Variants in GNA14 observed in about 807,000 individuals in gnomAD.
The protein encoded by GNA14 is G protein subunit alpha 14.
A neutral mutation model predicts 42.0 loss-of-function variants in GNA14; 50 were observed. That is an observed-to-expected ratio of 1.19 (90% confidence interval 0.95 to 1.51). The LOEUF (loss-of-function observed/expected upper bound fraction) is 1.51. Among genes scored for constraint, GNA14 ranks in the 40% most tolerant of loss-of-function variants. The pLI is 0.00. For missense variants in GNA14, 473 were observed against 446.2 expected (o/e 1.06, Z -0.54); for synonymous variants, 173 against 163.1 (o/e 1.06, Z -0.46).
chr9:77,560,814 C>T (rs1176595653), intron 1 of GNA14, among the ~76,000 whole-genome samples: 1 of 151,944 alleles, frequency 6.6e-6, no homozygotes, highest in African/African-American at 2.4e-5. Flanking sequence ...TGAGGAGTTA[C>T]TTATTTTCTA....
intron 1 of GNA14, among the ~76,000 whole-genome samples, chr9:77,581,480 C>T (rs1249215559): frequency 1.3e-5 from 2 of 152,152 alleles, no homozygotes; most frequent in Non-Finnish European, 2.9e-5. Flanking sequence ...ATGTACCTGG[C>T]ACATCCAAAC....
chr9:77,489,238 A>G (rs920660527), intron 2 of GNA14, among the ~76,000 whole-genome samples: 2 of 152,194 alleles, frequency 1.3e-5, no homozygotes, highest in African/African-American at 2.4e-5. Context: ...AGGGAAAAAA[A>G]AGAAAATAAT....
At chr9:77,640,500 AAAAG>A (rs936124596) in intron 1 of GNA14, among the ~76,000 whole-genome samples, 4 of 152,158 alleles carry the variant, frequency 2.6e-5, no homozygotes, top group Non-Finnish European at 4.4e-5. Flanking sequence ...TTTAAAAAGA[AAAAG>A]AAAAAAAGAC....
intron 1 of GNA14, among the ~76,000 whole-genome samples, chr9:77,612,537 G>A (rs542615699): frequency 8.7e-4 from 132 of 151,976 alleles, no homozygotes; most frequent in African/African-American, 3.1e-3. Flanking sequence ...AACCTAAAAT[G>A]TAAACAAAGA....
chr9:77,643,294 C>T (rs950025896), intron 1 of GNA14, among the ~76,000 whole-genome samples: 2 of 148,980 alleles, frequency 1.3e-5, no homozygotes, highest in East Asian at 2.0e-4. Context: ...GGCTGGAGTG[C>T]AATGGTGCTA....
chr9:77,597,108 A>T (rs1434818212), intron 1 of GNA14, among the ~76,000 whole-genome samples: 2 of 152,120 alleles, frequency 1.3e-5, no homozygotes, highest in East Asian at 3.9e-4. Context: ...CCTGTCTTAG[A>T]TTTTCTGGGT....
chr9:77,490,396 C>T (rs1298393000), intron 2 of GNA14, among the ~76,000 whole-genome samples: 1 of 152,244 alleles, frequency 6.6e-6, no homozygotes, highest in Non-Finnish European at 1.5e-5. Flanking sequence ...CTCCTCAGCC[C>T]TTGGGCGGTG....
At chr9:77,479,264 A>G (rs1390329838) in intron 2 of GNA14, among the ~76,000 whole-genome samples, 1 of 152,222 alleles carries the variant, frequency 6.6e-6, no homozygotes, top group Non-Finnish European at 1.5e-5. Flanking sequence ...TCCCAGCACC[A>G]TTTGTTAAAC....
intron 1 of GNA14, among the ~76,000 whole-genome samples, chr9:77,574,113 T>C (rs1013816929): frequency 6.6e-6 from 1 of 152,146 alleles, no homozygotes; most frequent in African/African-American, 2.4e-5. Flanking sequence ...AAGACCAGCC[T>C]GGGCAACATA....
intron 1 of GNA14, among the ~76,000 whole-genome samples, chr9:77,608,885 A>G (rs1006595221): frequency 3.3e-5 from 5 of 152,000 alleles, no homozygotes; most frequent in Non-Finnish European, 7.4e-5. Flanking sequence ...CTCTTGGTAT[A>G]ATCCCATCCC....
intron 1 of GNA14, among the ~76,000 whole-genome samples, chr9:77,633,563 T>C (rs1824131608): frequency 6.6e-6 from 1 of 152,152 alleles, no homozygotes; most frequent in African/African-American, 2.4e-5. Flanking sequence ...AAGGTCACTC[T>C]GGCTGGCAGA....
intron 2 of GNA14, among the ~76,000 whole-genome samples, chr9:77,482,567 A>C (rs934783497): frequency 1.2e-3 from 185 of 151,942 alleles, no homozygotes; most frequent in African/African-American, 3.7e-3. Flanking sequence ...ATCTTTGTGG[A>C]GTTCTCTGTA....
intron 2 of GNA14, among the ~76,000 whole-genome samples, chr9:77,475,973 C>A (rs1564025549): frequency 6.6e-6 from 1 of 152,072 alleles, no homozygotes; most frequent in Admixed American, 6.5e-5. Flanking sequence ...CAGGAGCAGG[C>A]CTAAGTGTGC....
intron 2 of GNA14, among the ~76,000 whole-genome samples, chr9:77,469,898 T>C (rs779258550): frequency 6.6e-5 from 10 of 152,204 alleles, no homozygotes; most frequent in Non-Finnish European, 8.8e-5. Context: ...AGAAAGCCTC[T>C]GCTCCTTTGG....
intron 1 of GNA14, among the ~76,000 whole-genome samples, chr9:77,619,593 G>A (rs142878232): frequency 6.6e-6 from 1 of 152,254 alleles, no homozygotes; most frequent in African/African-American, 2.4e-5. Context: ...GTGATATGGG[G>A]CAGCTCATTT....
chr9:77,535,110 C>A (rs1051204679), intron 1 of GNA14, among the ~76,000 whole-genome samples: 1 of 152,176 alleles, frequency 6.6e-6, no homozygotes, highest in Non-Finnish European at 1.5e-5. Context: ...AGAGGCCTGC[C>A]CAGAGGACGG....
At chr9:77,556,568 G>C (rs1259889371) in intron 1 of GNA14, among the ~76,000 whole-genome samples, 1 of 152,146 alleles carries the variant, frequency 6.6e-6, no homozygotes, top group African/African-American at 2.4e-5. Context: ...GTTTGAGTCA[G>C]CAAGTCCCAG....
intron 4 of GNA14, among the ~76,000 whole-genome samples, chr9:77,431,024 TTGTG>T (rs10631280): frequency 2.6e-3 from 267 of 101,516 alleles, no homozygotes; most frequent in African/African-American, 3.4e-3. Flanking sequence ...AAGTATACAT[TTGTG>T]TGTGTGTGTG....
At chr9:77,557,856 A>T (rs1822813499) in intron 1 of GNA14, among the ~76,000 whole-genome samples, 1 of 152,204 alleles carries the variant, frequency 6.6e-6, no homozygotes, top group African/African-American at 2.4e-5. Context: ...ATTTATGACC[A>T]TATTTTTAAA....
Sources: allele counts gnomAD v4.1 joint callset (sites outside exome capture counted in the v4.1 genomes callset), GRCh38; gene constraint gnomAD v4.1.1; transcripts MANE v1.5; gene names NCBI Gene and HGNC (gene_info 2026-07-23, HGNC 2026-07-21).